ASTN2: variants seen among roughly 807,000 people sequenced by gnomAD.
ASTN2 encodes astrotactin-2.
ASTN2 carries 54 observed loss-of-function variants against 139.8 expected under a neutral mutation model. The ratio of observed to expected loss-of-function variants is 0.39; its 90% confidence interval spans 0.31 to 0.48. The LOEUF (loss-of-function observed/expected upper bound fraction) is 0.48. ASTN2 is among the 20% of genes least tolerant of loss of function. ASTN2 has a pLI of 0.95. For synonymous variants in ASTN2, 756 were observed against 719.5 expected (o/e 1.05, Z -0.81); for missense variants, 1,565 against 1,725.1 (o/e 0.91, Z 1.64).
intron 20 of ASTN2, among the ~76,000 whole-genome samples, chr9:116,483,535 C>A (rs1047280204): frequency 6.6e-6 from 1 of 152,030 alleles, no homozygotes; most frequent in African/African-American, 2.4e-5. Context: ...GAGATACACT[C>A]ATAGCAACAG....
At chr9:116,589,292 G>A (rs759864899) in intron 19 of ASTN2, among the ~76,000 whole-genome samples, 38 of 152,166 alleles carry the variant, frequency 2.5e-4, no homozygotes, top group African/African-American at 8.4e-4. Context: ...TTAAATAATT[G>A]CTGAATGAAT....
Position 117,414,455 on chromosome 9 carries a change from G to T in ASTN2, c.442+42C>A. 1.2e-6 allele frequency: 2 copies of T among 1,601,362 alleles called. No homozygotes were observed. The highest frequency in any genetic ancestry group is 2.2e-5 in the South Asian group (2 of 90,580). On this transcript the variant is annotated intron_variant, in intron 1 of 22. Coordinates refer to ENST00000313400, the MANE Select transcript of ASTN2 (RefSeq NM_001365068.1). The surrounding 1 kb of genome is among the most constrained non-coding windows in gnomAD (Gnocchi z 4.2). The stretch of plus-strand genomic sequence containing the variant: ...CCCGTCCGGCATGACGCAGGGGCTC[G>T]GGGTTCCTTGGGATCTAGCGCGTGC...
intron 1 of ASTN2, among the ~76,000 whole-genome samples, chr9:117,358,389 G>C (rs1829602455): frequency 6.8e-6 from 1 of 147,592 alleles, no homozygotes; most frequent in Non-Finnish European, 1.5e-5. Flanking sequence ...AGGTGAGGGT[G>C]TGGCTCCATC....
intron 1 of ASTN2, among the ~76,000 whole-genome samples, chr9:117,297,374 C>T (rs1012470228): frequency 2.0e-5 from 3 of 152,238 alleles, no homozygotes; most frequent in Non-Finnish European, 4.4e-5. Context: ...GATTGTCACA[C>T]ATCAAGTCTT....
rs143227022 is a variant in ASTN2 at position 117,214,605 on chromosome 9, T to G, written c.768A>C (p.Pro256=). 1.1e-5 allele frequency: 18 copies of G among 1,597,686 alleles called. No individual in the cohort carries two copies. The African/African-American group carries it at 2.4e-4, about 21-fold the overall frequency. ...TEATHEIHYI[P]SVLLGPQARE... ...GCGCCTGGGGACCCAGCAGCACAGA[T>G]GGGATGTAGTGGATCTCATGAGTGG... The change falls in exon 3 of 23, where the codon CCA becomes CCC. Residue 256 remains proline (P), a synonymous_variant. Coordinates refer to ENST00000313400, the MANE Select transcript of ASTN2 (RefSeq NM_001365068.1).
At chr9:116,682,666 C>T (rs1859957909) in intron 16 of ASTN2, among the ~76,000 whole-genome samples, 1 of 152,118 alleles carries the variant, frequency 6.6e-6, no homozygotes, top group Non-Finnish European at 1.5e-5. Context: ...GAAAATGTGG[C>T]ACATATACAC....
chr9:116,682,288 C>T (rs1347009837), intron 16 of ASTN2, among the ~76,000 whole-genome samples: 1 of 152,206 alleles, frequency 6.6e-6, no homozygotes, highest in Admixed American at 6.5e-5. Flanking sequence ...CTCACCATCA[C>T]TGGCCATCAG....
intron 1 of ASTN2, among the ~76,000 whole-genome samples, chr9:117,413,780 G>T (rs1831240867): frequency 6.6e-6 from 1 of 152,190 alleles, no homozygotes; most frequent in Non-Finnish European, 1.5e-5. Flanking sequence ...GGACAAACCG[G>T]CTCTCTGCCT....
intron 16 of ASTN2, among the ~76,000 whole-genome samples, chr9:116,677,241 G>A (rs1425996948): frequency 6.6e-6 from 1 of 151,942 alleles, no homozygotes; most frequent in Non-Finnish European, 1.5e-5. Context: ...ATACATGAGA[G>A]GCACTAAGAT....
intron 5 of ASTN2, among the ~76,000 whole-genome samples, chr9:117,050,210 A>G (rs1333045430): frequency 1.3e-5 from 2 of 152,098 alleles, no homozygotes; most frequent in African/African-American, 4.8e-5. Flanking sequence ...AGAGCAAAAG[A>G]GCAGCCACAG....
rs148488678 is a variant in ASTN2 at position 116,959,467 on chromosome 9, G to T, written c.1889+15741C>A. Among the ~76,000 whole-genome samples the T allele has an allele frequency of 3.3e-5, 5 of 152,242 alleles. No homozygotes were observed. In the East Asian group the frequency reaches 9.7e-4, roughly 30 times the overall value. ...CAACAGCAAGCGGAGCAATGGAAGG[G>T]TCTAAAGCAAGTTTGCGGTTTAGAT... On this transcript the variant is annotated intron_variant, in intron 10 of 22. Transcript: ENST00000313400.
chr9:116,503,588 T>C (rs922981995), intron 19 of ASTN2, among the ~76,000 whole-genome samples: 1 of 152,216 alleles, frequency 6.6e-6, no homozygotes, highest in Non-Finnish European at 1.5e-5. Context: ...TGAGTAAACA[T>C]GTTTTACAAG....
At chr9:116,988,766 A>C (rs1304949438) in intron 7 of ASTN2, among the ~76,000 whole-genome samples, 1 of 152,074 alleles carries the variant, frequency 6.6e-6, no homozygotes, top group Non-Finnish European at 1.5e-5. Flanking sequence ...TTGGCCATCT[A>C]CCATACTTCT....
intron 11 of ASTN2, among the ~76,000 whole-genome samples, chr9:116,827,597 T>C (rs114007694): frequency 6.6e-6 from 1 of 152,128 alleles, no homozygotes; most frequent in African/African-American, 2.4e-5. Flanking sequence ...GAGACTATTA[T>C]GAAGACTATT....
intron 19 of ASTN2, among the ~76,000 whole-genome samples, chr9:116,567,845 CT>C (rs1853312983): frequency 1.3e-5 from 2 of 152,224 alleles, no homozygotes; most frequent in South Asian, 4.2e-4. Flanking sequence ...TTTTACACCC[CT>C]CTCCCAAAAT....
chr9:116,630,967 C>T (rs978866509), intron 17 of ASTN2, among the ~76,000 whole-genome samples: 1 of 152,078 alleles, frequency 6.6e-6, no homozygotes, highest in Non-Finnish European at 1.5e-5. Flanking sequence ...CTTAACATCA[C>T]TAATTATCAG....
In ASTN2 at chr9:116,698,230, T is replaced by C. The variant is rs775940650; in HGVS notation, c.2806+27541A>G. ...CGTCTGCGGGAACTTATGGGGGAGC[T>C]GCAGCGGCGGAAGGCAGCCTTGGAA... On this transcript the variant is annotated intron_variant, in intron 16 of 22. Transcript: ENST00000313400. This position sits in a 1 kb window ranked among gnomAD's most constrained non-coding sequence, Gnocchi z 4.4. The C allele has an allele frequency of 6.8e-6, 11 of 1,614,112 alleles. No individual in the cohort carries two copies. The South Asian group carries it at 9.9e-5, about 14-fold the overall frequency.
chr9:117,256,202 G>T (rs57674077), intron 2 of ASTN2, among the ~76,000 whole-genome samples: 7,421 of 152,034 alleles, frequency 0.049, 582 homozygotes, highest in African/African-American at 0.17. Context: ...CCCAGGACTC[G>T]CCTTATACCC....
intron 20 of ASTN2, among the ~76,000 whole-genome samples, chr9:116,448,723 T>C (rs897396356): frequency 3.9e-5 from 6 of 152,190 alleles, no homozygotes; most frequent in Admixed American, 3.9e-4. Context: ...TCTTGTGGGA[T>C]TGTGAGAATG....
Sources: gnomAD v4.1 joint callset for allele counts (sites outside exome capture counted in the v4.1 genomes callset) on GRCh38, gnomAD v4.1.1 for gene constraint, Gnocchi (gnomAD v3.1) non-coding constraint, MANE v1.5 for transcripts, NCBI Gene and HGNC (gene_info 2026-07-23, HGNC 2026-07-21) for gene names.